The following RYR3 variants were observed in gnomAD, a reference collection of about 807,000 sequenced individuals.
RYR3 encodes the protein ryanodine receptor 3, also known as brain ryanodine receptor-calcium release channel.
RYR3 carries 207 observed loss-of-function variants against 584.3 expected under a neutral mutation model. The ratio of observed to expected loss-of-function variants is 0.35; its 90% confidence interval spans 0.32 to 0.40. RYR3 has a LOEUF of 0.40. RYR3 is among the 10% of genes least tolerant of loss of function. The probability of loss-of-function intolerance (pLI) is 1.00; values close to 1 mark genes in which losing one functional copy is unlikely to be tolerated. For synonymous variants in RYR3, 2,416 were observed against 2,248.5 expected (o/e 1.07, Z -2.11); for missense variants, 5,616 against 6,089.2 (o/e 0.92, Z 2.59).
chr15:33,338,070 G>A (rs750117465), intron 1 of RYR3, among the ~76,000 whole-genome samples: 53 of 149,046 alleles, frequency 3.6e-4, no homozygotes, highest in Non-Finnish European at 5.8e-4. Context: ...TCAGCCTCCC[G>A]AGTAGCTGGG....
intron 43 of RYR3, among the ~76,000 whole-genome samples, chr15:33,714,453 G>A (rs1294702960): frequency 6.6e-6 from 1 of 152,154 alleles, no homozygotes; most frequent in Admixed American, 6.6e-5. Flanking sequence ...CTTGGGTTGT[G>A]TTTAACTCTG....
intron 19 of RYR3, among the ~76,000 whole-genome samples, chr15:33,622,704 T>TC (rs1222928747): frequency 2.0e-5 from 3 of 152,164 alleles, no homozygotes; most frequent in Non-Finnish European, 2.9e-5. Context: ...TATTGGCTTT[T>TC]TTCCAGTGTT....
At chr15:33,626,840 G>A (rs2061014940) in intron 20 of RYR3, among the ~76,000 whole-genome samples, 1 of 152,158 alleles carries the variant, frequency 6.6e-6, no homozygotes, top group Admixed American at 6.5e-5. Flanking sequence ...AAGAATTGAG[G>A]TTTGGGAACC....
intron 19 of RYR3, among the ~76,000 whole-genome samples, chr15:33,614,936 G>A (rs115306149): frequency 1.3e-5 from 2 of 152,018 alleles, no homozygotes; most frequent in Admixed American, 6.6e-5. Context: ...AATTGGGCTT[G>A]TGCTATGCAT....
At chr15:33,448,850 CCTTGCAG>C (rs549388021) in intron 1 of RYR3, among the ~76,000 whole-genome samples, 47 of 152,064 alleles carry the variant, frequency 3.1e-4, no homozygotes, top group African/African-American at 1.1e-3. Flanking sequence ...CTCGGTTGCC[CCTTGCAG>C]CTGATTGGAA....
chr15:33,695,936 A>G (rs1366662119), intron 38 of RYR3, among the ~76,000 whole-genome samples: 1 of 142,860 alleles, frequency 7.0e-6, no homozygotes, highest in African/African-American at 2.6e-5. Flanking sequence ...GGCGTGTGCA[A>G]CCACACCCAG....
chr15:33,397,296 A>G (rs929462492), intron 1 of RYR3, among the ~76,000 whole-genome samples: 3 of 152,230 alleles, frequency 2.0e-5, no homozygotes, highest in Admixed American at 2.0e-4. Flanking sequence ...TTACAAAAGG[A>G]GCTATGAATA....
intron 16 of RYR3, among the ~76,000 whole-genome samples, chr15:33,598,954 C>T (rs549386374): frequency 6.6e-6 from 1 of 152,126 alleles, no homozygotes; most frequent in Admixed American, 6.5e-5. Flanking sequence ...ACTTGGGAGA[C>T]TGAGGCAGGA....
chr15:33,423,336 A>G (rs1056225528), intron 1 of RYR3, among the ~76,000 whole-genome samples: 13 of 152,332 alleles, frequency 8.5e-5, no homozygotes, highest in African/African-American at 3.1e-4. Context: ...TCAGAACTTC[A>G]TTCCTTTTTT....
intron 1 of RYR3, among the ~76,000 whole-genome samples, chr15:33,352,175 G>A (rs1973366997): frequency 6.6e-6 from 1 of 152,022 alleles, no homozygotes. Context: ...AAATTGTTGA[G>A]TTTTAAAAAA....
intron 1 of RYR3, among the ~76,000 whole-genome samples, chr15:33,466,639 T>C (rs557006826): frequency 3.9e-5 from 6 of 152,346 alleles, no homozygotes; most frequent in African/African-American, 1.4e-4. Context: ...ACTTTCATAA[T>C]GTGTGCAAAA....
intron 12 of RYR3, among the ~76,000 whole-genome samples, chr15:33,576,790 TAAAG>T (rs201425333): frequency 0.056 from 8,516 of 152,128 alleles, 353 homozygotes; most frequent in African/African-American, 0.12. Flanking sequence ...GAGAAAGAAA[TAAAG>T]GGTATTCACA....
chr15:33,660,936 G>A (rs774495988), intron 34 of RYR3, among the ~76,000 whole-genome samples: 18 of 152,154 alleles, frequency 1.2e-4, no homozygotes, highest in Admixed American at 3.3e-4. Context: ...GTTTCTGGGA[G>A]GAAAATAATG....
intron 18 of RYR3, among the ~76,000 whole-genome samples, chr15:33,605,514 A>T (rs1351311780): frequency 1.3e-5 from 2 of 152,184 alleles, no homozygotes; most frequent in East Asian, 3.8e-4. Context: ...AATGGCCTGC[A>T]CTTGATGGTA....
intron 99 of RYR3, chr15:33,858,600 T>C (rs910594176): frequency 6.6e-6 from 1 of 152,528 alleles, no homozygotes; most frequent in Non-Finnish European, 1.5e-5. Flanking sequence ...CAAAGTCCCA[T>C]GGACCGGGAT....
chr15:33,783,365 G>A lies in RYR3; in HGVS notation c.9269-2297G>A, dbSNP rs78744853. Among the ~76,000 whole-genome samples the A allele has an allele frequency of 1.6e-4, 25 of 152,336 alleles. No homozygotes were observed. In the East Asian group the frequency reaches 4.8e-3, roughly 29 times the overall value. On this transcript the variant is annotated intron_variant, in intron 65 of 103. Transcript: ENST00000634891. ...AACAGTCTTGCGTCTGATTCTAAGA[G>A]GACACAGCTGAGGCTGTTTTTCTAG...
At chr15:33,453,599 T>A (rs1424635189) in intron 1 of RYR3, among the ~76,000 whole-genome samples, 1 of 152,220 alleles carries the variant, frequency 6.6e-6, no homozygotes, top group Admixed American at 6.5e-5. Context: ...AGAATGTATA[T>A]CTGTATACAA....
intron 10 of RYR3, among the ~76,000 whole-genome samples, chr15:33,555,279 C>T (rs534664279): frequency 7.3e-4 from 111 of 152,226 alleles, no homozygotes; most frequent in African/African-American, 2.6e-3. Flanking sequence ...GCAGAAACAG[C>T]GCTGTTTTTG....
intron 43 of RYR3, among the ~76,000 whole-genome samples, chr15:33,721,552 A>C (rs2067912835): frequency 6.6e-6 from 1 of 152,144 alleles, no homozygotes; most frequent in Non-Finnish European, 1.5e-5. Flanking sequence ...TCTGTAGAAA[A>C]GTTTTTCTTC....
Sources: gnomAD v4.1 joint callset for allele counts (sites outside exome capture counted in the v4.1 genomes callset) on GRCh38, gnomAD v4.1.1 for gene constraint, MANE v1.5 for transcripts, NCBI Gene and HGNC (gene_info 2026-07-23, HGNC 2026-07-21) for gene names.